DEAF1: variants seen among roughly 807,000 people sequenced by gnomAD.
The protein encoded by DEAF1 is deformed epidermal autoregulatory factor 1 homolog.
A neutral mutation model predicts 58.9 loss-of-function variants in DEAF1; 53 were observed. The observed-to-expected ratio is 0.90, with a 90% CI of 0.72 to 1.13. DEAF1 has a LOEUF of 1.13. Among genes scored for constraint, DEAF1 ranks in the 50% most tolerant of loss-of-function variants. The pLI is 0.00. For missense variants in DEAF1, 685 were observed against 791.4 expected (o/e 0.87, Z 1.61); for synonymous variants, 385 against 340.4 (o/e 1.13, Z -1.44).
At chr11:666,873 CAAAAAAAAAAAAAAAAA>C (rs532628897) in intron 10 of DEAF1, among the ~76,000 whole-genome samples, 1 of 60,252 alleles carries the variant, frequency 1.7e-5, no homozygotes, top group Non-Finnish European at 3.1e-5. Flanking sequence ...ACTCTGTCTC[CAAAAAAAAAAAAAAAAA>C]AAAAAAAGAA....
At chr11:655,084 G>C (rs1233786322) in intron 10 of DEAF1, among the ~76,000 whole-genome samples, 3 of 149,494 alleles carry the variant, frequency 2.0e-5, no homozygotes, top group Non-Finnish European at 4.4e-5. Context: ...AAAACAAAGG[G>C]AAATCAGCAT....
chr11:685,671 G>A (rs998719030), intron 5 of DEAF1, among the ~76,000 whole-genome samples: 4 of 152,182 alleles, frequency 2.6e-5, no homozygotes, highest in Admixed American at 6.5e-5. Context: ...CTCCAGCCTG[G>A]GCAACAGAGG....
chr11:700,046 C>A, upstream of DEAF1: 3 of 959,174 alleles, frequency 3.1e-6, no homozygotes, highest in South Asian at 1.4e-5. Flanking sequence ...GTGTCTGTGG[C>A]CACCAAACAG....
chr11:701,709 G>A (rs990692880), intron 1 of DEAF1, among the ~76,000 whole-genome samples: 6 of 152,036 alleles, frequency 3.9e-5, no homozygotes, highest in Admixed American at 6.6e-5. Context: ...GCGCCCGGCC[G>A]GAGACAGGGT....
chr11:696,796 A>G (rs1186267159), upstream of DEAF1, among the ~76,000 whole-genome samples: 1 of 148,926 alleles, frequency 6.7e-6, no homozygotes, highest in East Asian at 2.0e-4. Context: ...TACCCCGGGG[A>G]AGGCCAGGCG....
chr11:671,844 A>C (rs1416085964), intron 10 of DEAF1, among the ~76,000 whole-genome samples: 2 of 136,944 alleles, frequency 1.5e-5, no homozygotes, highest in South Asian at 2.5e-4. Context: ...AAAAAAAAAA[A>C]AAAAAGAAAC....
upstream of DEAF1, among the ~76,000 whole-genome samples, chr11:697,087 C>T (rs1312643220): frequency 7.7e-6 from 1 of 129,548 alleles, no homozygotes; most frequent in African/African-American, 2.9e-5. Flanking sequence ...GCAACAAGAG[C>T]GAAATTCTGT....
At chr11:695,744 G>C (rs909725164), upstream of DEAF1, 16 of 1,240,052 alleles carry the variant, frequency 1.3e-5, no homozygotes, top group African/African-American at 2.2e-4. Flanking sequence ...TTCGTCAGGA[G>C]ACGCGAAAAT....
At chr11:682,435 T>G (rs548047997) in intron 6 of DEAF1, among the ~76,000 whole-genome samples, 2 of 152,220 alleles carry the variant, frequency 1.3e-5, no homozygotes, top group African/African-American at 4.8e-5. Context: ...ACTGCTGGCC[T>G]CCTCTTAACT....
At chr11:669,635 CA>C (rs796538285) in intron 10 of DEAF1, among the ~76,000 whole-genome samples, 18 of 134,970 alleles carry the variant, frequency 1.3e-4, no homozygotes, top group African/African-American at 1.4e-4. Context: ...AAACTTGTCT[CA>C]AAAAAAAAAG....
chr11:670,889 C>T (rs1356093091), intron 10 of DEAF1, among the ~76,000 whole-genome samples: 1 of 142,936 alleles, frequency 7.0e-6, no homozygotes, highest in Non-Finnish European at 1.5e-5. Context: ...GCAATCCTCA[C>T]GTTTCAGCCT....
upstream of DEAF1, chr11:698,068 G>A (rs1861280114): frequency 6.6e-6 from 1 of 152,282 alleles, no homozygotes; most frequent in South Asian, 2.1e-4. Flanking sequence ...GGTGCAGCTT[G>A]AGCCTCCTTT....
upstream of DEAF1, chr11:697,856 T>C: frequency 6.6e-6 from 1 of 152,244 alleles, no homozygotes; most frequent in East Asian, 1.9e-4. Flanking sequence ...CTGATGCCGA[T>C]GTCCTGTATT....
chr11:644,519 G>A lies in DEAF1; in HGVS notation c.*31C>T, dbSNP rs1359999315. The A allele has an allele frequency of 6.9e-6, 11 of 1,590,388 alleles. No individual in the cohort carries two copies. In the South Asian group the frequency reaches 1.0e-4, roughly 14 times the overall value. ...GCAAAAGCCTCACAGGAGTGCGAGG[G>A]GCCCCAGCTCCCAGGGCGGCCGATG... is the stretch of plus-strand genomic sequence containing the variant. On this transcript the variant is annotated 3_prime_UTR_variant, in exon 12 of 12. Coordinates refer to ENST00000382409, the MANE Select transcript of DEAF1 (RefSeq NM_021008.4). The surrounding 1 kb of genome is among the most constrained non-coding windows in gnomAD (Gnocchi z 4.3).
chr11:656,683 G>A (rs950463834), intron 10 of DEAF1, among the ~76,000 whole-genome samples: 12 of 152,088 alleles, frequency 7.9e-5, no homozygotes, highest in African/African-American at 2.2e-4. Context: ...ACGGGTCTCC[G>A]TGTCCAGCAG....
intron 10 of DEAF1, among the ~76,000 whole-genome samples, chr11:662,974 A>G (rs1480993871): frequency 6.6e-6 from 1 of 152,106 alleles, no homozygotes; most frequent in Non-Finnish European, 1.5e-5. Context: ...CCTGAGCACA[A>G]CCGCTGTCCT....
At chr11:685,930 G>A (rs1347557336) in intron 5 of DEAF1, among the ~76,000 whole-genome samples, 1 of 151,432 alleles carries the variant, frequency 6.6e-6, no homozygotes, top group African/African-American at 2.4e-5. Flanking sequence ...GCTCACTTGA[G>A]GTCGGGAGTT....
At chr11:700,986 AAG>A (rs1317790034) in intron 1 of DEAF1, 3 of 211,754 alleles carry the variant, frequency 1.4e-5, no homozygotes, top group African/African-American at 2.2e-4. Context: ...GAGATCAGAA[AAG>A]CCCAGCCCAC....
chr11:705,105 C>T (rs570703440), intron 1 of DEAF1: 27 of 205,074 alleles, frequency 1.3e-4, no homozygotes, highest in Middle Eastern at 2.1e-3. Flanking sequence ...AGCCCTCCAC[C>T]GAGCTCACCT....
Sources: gnomAD v4.1 joint callset for allele counts (sites outside exome capture counted in the v4.1 genomes callset) on GRCh38, gnomAD v4.1.1 for gene constraint, Gnocchi (gnomAD v3.1) non-coding constraint, MANE v1.5 for transcripts, NCBI Gene and HGNC (gene_info 2026-07-23, HGNC 2026-07-21) for gene names.